Variants in BTK observed in about 807,000 individuals in gnomAD.
BTK encodes the protein Bruton tyrosine kinase, also known as tyrosine-protein kinase BTK.
BTK carries 5 observed loss-of-function variants against 57.4 expected under a neutral mutation model. The ratio of observed to expected loss-of-function variants is 0.09; its 90% confidence interval spans 0.05 to 0.18. BTK has a LOEUF of 0.18. BTK is among the 10% of genes least tolerant of loss of function. The pLI is 1.00. For synonymous variants in BTK, 154 were observed against 174.3 expected (o/e 0.88, Z 0.92); for missense variants, 194 against 501.2 (o/e 0.39, Z 5.85).
In BTK at chrX:101,360,661, A is replaced by C; in HGVS notation, c.683T>G (p.Met228Arg). The stretch of plus-strand genomic sequence containing the variant: ...CCGCAGCTGTAGATCATTTGCATTC[A>C]TTGGCATGTAATCATAAAGGGCCAC... ...KVVALYDYMPMNANDLQLRKG... is the reference protein window; with the variant it reads ...KVVALYDYMPRNANDLQLRKG... The change falls in exon 8 of 19, where the codon ATG becomes AGG. Residue 228 changes from methionine (M) to arginine (R), a missense_variant. Physicochemically the swap from Met to Arg is moderately conservative, Grantham distance 91. Around this residue, in one of 3 missense-constraint regions of BTK, gnomAD observed 115 missense variants for 258.3 expected, o/e 0.45. Coordinates refer to ENST00000308731, the MANE Select transcript of BTK (RefSeq NM_000061.3). 1 of 1,211,352 alleles carries C rather than the reference A, an allele frequency of 8.3e-7. No individual in the cohort carries two copies. Among genetic ancestry groups the C allele is most frequent in the Non-Finnish European group, 1.1e-6 (1 of 895,369 alleles).
chrX:101,361,939 C>A (rs1926685535), intron 7 of BTK, among the ~76,000 whole-genome samples: 1 of 112,642 alleles, frequency 8.9e-6, no homozygotes, highest in African/African-American at 3.2e-5. Context: ...AAAAACTTTA[C>A]ATTAAAAAAA....
chrX:101,354,176 C>T lies in BTK; in HGVS notation c.1632-188G>A, dbSNP rs1167292268. On this transcript the variant is annotated intron_variant, in intron 16 of 18. Transcript: ENST00000308731. ...CTGTTTTTGTATCTGATTGAGCTTT[C>T]CTGATTGACAATATGGTTACAAGAA... 1.3e-5 allele frequency: 6 copies of T among 449,441 alleles called. No homozygotes were observed. In the African/African-American group the frequency reaches 1.5e-4, roughly 11 times the overall value. The allele number at this position is 449,441 out of a possible 1,213,427, so 37.0% of individuals were successfully genotyped here. A position where few individuals can be genotyped will look rare whatever the true frequency, so the allele number is the denominator to read the frequency against.
chrX:101,364,823 C>T (rs959131993), intron 5 of BTK, among the ~76,000 whole-genome samples: 1 of 110,388 alleles, frequency 9.1e-6, no homozygotes, highest in Non-Finnish European at 1.9e-5. Flanking sequence ...CTCACTGTAA[C>T]CTCCACCTCC....
chrX:101,378,445 A>C (rs1927290269), intron 1 of BTK, among the ~76,000 whole-genome samples: 1 of 109,877 alleles, frequency 9.1e-6, no homozygotes, highest in Non-Finnish European at 1.9e-5. Flanking sequence ...TTGACCACAA[A>C]ATATGCACAA....
upstream of BTK, chrX:101,390,484 C>T (rs1198275777): frequency 1.9e-6 from 1 of 514,045 alleles, no homozygotes; most frequent in Non-Finnish European, 3.5e-6. Context: ...GTACCTCTCC[C>T]CCGGAACAGT....
At chrX:101,385,469 G>A (rs1476450606) in intron 1 of BTK, among the ~76,000 whole-genome samples, 1 of 112,167 alleles carries the variant, frequency 8.9e-6, no homozygotes, top group Non-Finnish European at 1.9e-5. Context: ...CCACGAGGTT[G>A]GCACAGCTTC....
chrX:101,361,889 C>T (rs1468445555), intron 7 of BTK, among the ~76,000 whole-genome samples: 3 of 112,190 alleles, frequency 2.7e-5, no homozygotes, highest in Non-Finnish European at 3.8e-5. Context: ...AGCGAGACTC[C>T]GTCTCAAAAC....
chrX:101,364,145 G>A (rs958854215), intron 5 of BTK, among the ~76,000 whole-genome samples: 1 of 108,552 alleles, frequency 9.2e-6, no homozygotes, highest in Non-Finnish European at 1.9e-5. Context: ...GTGGTGGCTC[G>A]CACCTGTAAT....
chrX:101,384,496 C>T (rs1988964453), intron 1 of BTK, among the ~76,000 whole-genome samples: 1 of 110,666 alleles, frequency 9.0e-6, no homozygotes, highest in African/African-American at 3.3e-5. Flanking sequence ...ACTTGGGAGG[C>T]TGAGGCAGGA....
At chrX:101,390,486 CG>C (rs1344884557), upstream of BTK, 4 of 514,019 alleles carry the variant, frequency 7.8e-6, no homozygotes, top group African/African-American at 6.9e-5. Flanking sequence ...ACCTCTCCCC[CG>C]GAACAGTGCC....
chrX:101,371,916 T>C (rs1202501993), intron 3 of BTK, among the ~76,000 whole-genome samples: 1 of 111,758 alleles, frequency 8.9e-6, no homozygotes, highest in Non-Finnish European at 1.9e-5. Flanking sequence ...TTCAAATCAC[T>C]GGGAAAATGG....
At chrX:101,353,057 C>A (rs1262006213) in intron 18 of BTK, 137 bp downstream of exon 18, 4 of 624,225 alleles carry the variant, frequency 6.4e-6, no homozygotes, top group Admixed American at 3.2e-5. Flanking sequence ...AAGAGCGAGA[C>A]CTTGTCTCAA....
Position 101,349,759 on chromosome X carries a change from AG to A in BTK, c.*125del. The A allele has an allele frequency of 1.8e-6, 1 of 561,804 alleles. No homozygotes were observed. The highest frequency in any genetic ancestry group is 3.1e-6 in the Non-Finnish European group (1 of 327,060). The allele number at this position is 561,804 out of a possible 1,213,427, so 46.3% of individuals were successfully genotyped here. ...AAGAGGTGCATTCCCAGATGTAGAG[AG>A]GGGCCTTTTTGTATTGAGTGGGAGC... is the stretch of plus-strand genomic sequence containing the variant. On this transcript the variant is annotated 3_prime_UTR_variant, in exon 19 of 19. Coordinates refer to ENST00000308731, the MANE Select transcript of BTK (RefSeq NM_000061.3).
intron 4 of BTK, among the ~76,000 whole-genome samples, chrX:101,371,261 C>T: frequency 8.9e-6 from 1 of 111,904 alleles, no homozygotes; most frequent in Non-Finnish European, 1.9e-5. Flanking sequence ...TACTACTCCC[C>T]TTTTCTATCT....
chrX:101,354,659 A>C lies in BTK; in HGVS notation c.1602T>G (p.Val534=), dbSNP rs782054598. 8 of 1,210,142 alleles carry C rather than the reference A, an allele frequency of 6.6e-6. No homozygotes were observed. In the African/African-American group the frequency reaches 1.4e-4, roughly 21 times the overall value. The change falls in exon 16 of 19, where the codon GTT becomes GTG. Residue 534 remains valine (V), a synonymous_variant. Transcript: ENST00000308731. Reference sequence around the variant, plus strand: ...ACAGGCCGAAATCAGATACTTTAACAACTCCTTGATCGTTTACCAAACAGT... The same window carrying C: ...ACAGGCCGAAATCAGATACTTTAACCACTCCTTGATCGTTTACCAAACAGT... The part of the protein sequence containing the change: ...ARNCLVNDQG[V]VKVSDFGLSR...
intron 1 of BTK, among the ~76,000 whole-genome samples, chrX:101,377,051 G>C (rs1281137877): frequency 1.8e-5 from 2 of 110,892 alleles, no homozygotes; most frequent in Admixed American, 9.6e-5. Flanking sequence ...TTCTGGAGGT[G>C]GATTAATTCA....
upstream of BTK, among the ~76,000 whole-genome samples, chrX:101,386,882 C>T (rs1257203844): frequency 3.6e-5 from 4 of 111,828 alleles, no homozygotes; most frequent in Non-Finnish European, 7.5e-5. Context: ...TCCTGTAAAC[C>T]GGTAAAGCAG....
chrX:101,358,250 T>G, intron 12 of BTK, 60 bp downstream of exon 12: 2 of 1,198,826 alleles, frequency 1.7e-6, no homozygotes, highest in South Asian at 3.5e-5. Context: ...CTTATCACCT[T>G]GTCCTGCATT....
chrX:101,388,596 G>C (rs1249899875), upstream of BTK, among the ~76,000 whole-genome samples: 1 of 112,072 alleles, frequency 8.9e-6, no homozygotes, highest in Admixed American at 9.5e-5. Context: ...AAAAGATCTT[G>C]ATCACCTGGT....
Sources: allele counts gnomAD v4.1 joint callset (sites outside exome capture counted in the v4.1 genomes callset), GRCh38; gene constraint gnomAD v4.1.1; regional missense constraint gnomAD v4.1.1; transcripts MANE v1.5; gene names NCBI Gene and HGNC (gene_info 2026-07-23, HGNC 2026-07-21).